The following LDLRAD3 variants were observed in gnomAD, a reference collection of about 807,000 sequenced individuals.
LDLRAD3 encodes the protein low density lipoprotein receptor class A domain containing 3.
In LDLRAD3, 20 loss-of-function variants were observed where a neutral mutation model predicts 29.4. That is an observed-to-expected ratio of 0.68 (90% CI 0.48 to 0.99). LDLRAD3 has a LOEUF of 0.99. Among genes scored for constraint, LDLRAD3 ranks in the 50% least tolerant of loss-of-function variants. The pLI is 0.00. For missense variants in LDLRAD3, 420 were observed against 454.3 expected, an observed-to-expected ratio of 0.92 and a Z score of 0.69; for synonymous variants, 157 against 192.7, an observed-to-expected ratio of 0.81 and a Z score of 1.53.
chr11:36,140,358 T>C (rs1449432323), intron 4 of LDLRAD3, among the ~76,000 whole-genome samples: 1 of 152,194 alleles, frequency 6.6e-6, no homozygotes, highest in Admixed American at 6.5e-5. Context: ...TTGTTGGTAA[T>C]GATGAAAAAT....
chr11:36,040,743 A>C (rs1374427401), intron 2 of LDLRAD3, among the ~76,000 whole-genome samples: 1 of 152,196 alleles, frequency 6.6e-6, no homozygotes, highest in Non-Finnish European at 1.5e-5. Flanking sequence ...CTGGCTCTTG[A>C]CACCGACTGC....
intron 2 of LDLRAD3, among the ~76,000 whole-genome samples, chr11:36,039,054 C>G (rs1852345407): frequency 6.6e-6 from 1 of 151,534 alleles, no homozygotes; most frequent in Admixed American, 6.6e-5. Flanking sequence ...ACTGTAAGCT[C>G]CGCCTCCCGG....
At chr11:36,202,095 A>G (rs1227182020) in intron 4 of LDLRAD3, among the ~76,000 whole-genome samples, 1 of 141,924 alleles carries the variant, frequency 7.0e-6, no homozygotes, top group African/African-American at 2.6e-5. Context: ...CCTAGGCTGT[A>G]GTGCAATGGC....
chr11:36,065,650 G>T (rs558276457), intron 2 of LDLRAD3, among the ~76,000 whole-genome samples: 103 of 152,332 alleles, frequency 6.8e-4, no homozygotes, highest in Admixed American at 1.6e-3. Context: ...TTCTTGTGCA[G>T]GCTGTGGGAA....
intron 4 of LDLRAD3, among the ~76,000 whole-genome samples, chr11:36,117,635 C>T (rs920214245): frequency 1.4e-4 from 21 of 152,222 alleles, no homozygotes; most frequent in African/African-American, 4.1e-4. Context: ...TGCCTGGCTC[C>T]CTGGTTCCCA....
chr11:36,098,511 TAA>T, intron 4 of LDLRAD3, 50 bp downstream of exon 4: 1 of 1,601,742 alleles, frequency 6.2e-7, no homozygotes, highest in Non-Finnish European at 8.5e-7. Context: ...AACACTGCAG[TAA>T]TGGAACACCC....
intron 4 of LDLRAD3, among the ~76,000 whole-genome samples, chr11:36,210,961 A>G (rs922163481): frequency 2.0e-5 from 3 of 152,192 alleles, no homozygotes; most frequent in Non-Finnish European, 4.4e-5. Context: ...CAGCAGTTAT[A>G]GTTACCTCAT....
chr11:36,140,055 T>G (rs984385315), intron 4 of LDLRAD3, among the ~76,000 whole-genome samples: 2 of 152,178 alleles, frequency 1.3e-5, no homozygotes, highest in Non-Finnish European at 2.9e-5. Context: ...AAATATTCCC[T>G]CTGGCAGCCA....
At chr11:36,015,623 C>A (rs930413583) in intron 1 of LDLRAD3, among the ~76,000 whole-genome samples, 1 of 151,704 alleles carries the variant, frequency 6.6e-6, no homozygotes, top group African/African-American at 2.4e-5. Context: ...CATTGCCAAC[C>A]CCAGAGCCCC....
At chr11:36,027,663 C>T (rs1035040001) in intron 1 of LDLRAD3, among the ~76,000 whole-genome samples, 2 of 152,230 alleles carry the variant, frequency 1.3e-5, no homozygotes, top group African/African-American at 2.4e-5. Flanking sequence ...TGCCTGGAGG[C>T]ATCTGCATGG....
At chr11:36,214,013 G>C (rs1048193661) in intron 4 of LDLRAD3, among the ~76,000 whole-genome samples, 4 of 152,262 alleles carry the variant, frequency 2.6e-5, no homozygotes, top group Middle Eastern at 3.4e-3. Flanking sequence ...GCAGGTACAA[G>C]TTGTTCATCC....
intron 4 of LDLRAD3, among the ~76,000 whole-genome samples, chr11:36,130,532 G>T (rs74801154): frequency 6.6e-6 from 1 of 152,150 alleles, no homozygotes. Flanking sequence ...TGAATGACTC[G>T]CAGGGCTGGG....
At chr11:35,967,450 G>T in intron 1 of LDLRAD3, 1 of 326,494 alleles carries the variant, frequency 3.1e-6, no homozygotes. Flanking sequence ...TTAATCCCAA[G>T]GCAAATAGGT....
intron 4 of LDLRAD3, among the ~76,000 whole-genome samples, chr11:36,152,646 C>T (rs1030025654): frequency 1.3e-5 from 2 of 152,220 alleles, no homozygotes; most frequent in African/African-American, 4.8e-5. Context: ...TTCCAACTCC[C>T]TTTGGCCATT....
chr11:36,113,752 C>T (rs1386838077), intron 4 of LDLRAD3, among the ~76,000 whole-genome samples: 1 of 149,242 alleles, frequency 6.7e-6, no homozygotes, highest in Non-Finnish European at 1.5e-5. Context: ...CAGCCCATTG[C>T]AACCCCTGCC....
chr11:35,946,232 A>G (rs534115435), intron 1 of LDLRAD3, among the ~76,000 whole-genome samples: 6 of 152,302 alleles, frequency 3.9e-5, no homozygotes, highest in African/African-American at 1.2e-4. Flanking sequence ...CCTCCATCCC[A>G]TGGCCTATGC....
chr11:36,029,402 C>T (rs895202002), intron 1 of LDLRAD3, among the ~76,000 whole-genome samples: 2 of 115,018 alleles, frequency 1.7e-5, no homozygotes, highest in Admixed American at 9.8e-5. Context: ...ACAAGGGTGG[C>T]GCCAGGACTC....
At chr11:35,981,829 C>T (rs944366507) in intron 1 of LDLRAD3, among the ~76,000 whole-genome samples, 6 of 152,246 alleles carry the variant, frequency 3.9e-5, no homozygotes, top group South Asian at 4.2e-4. Context: ...TGGGGGTGAG[C>T]GTTTGGGTGC....
chr11:35,986,998 C>G (rs1331330822), intron 1 of LDLRAD3, among the ~76,000 whole-genome samples: 1 of 152,208 alleles, frequency 6.6e-6, no homozygotes, highest in Non-Finnish European at 1.5e-5. Flanking sequence ...TCTCAGCACT[C>G]AGCAAAGGTT....
Sources: gnomAD v4.1 joint callset for allele counts (sites outside exome capture counted in the v4.1 genomes callset) on GRCh38, gnomAD v4.1.1 for gene constraint, MANE v1.5 for transcripts, NCBI Gene and HGNC (gene_info 2026-07-23, HGNC 2026-07-21) for gene names.